Variants in MICAL3 observed in about 807,000 individuals in gnomAD.
MICAL3 encodes microtubule associated monooxygenase, calponin and LIM domain containing 3.
Under a neutral mutation model 207.4 loss-of-function variants are expected in MICAL3, and 62 were observed. The ratio of observed to expected loss-of-function variants is 0.30; its 90% CI spans 0.24 to 0.37. The LOEUF (loss-of-function observed/expected upper bound fraction) is 0.37, where lower values mean the gene tolerates loss of function less well. Ranked by LOEUF, MICAL3 falls within the 10% of genes least tolerant of loss-of-function variation. MICAL3 has a pLI of 1.00. For synonymous variants in MICAL3, 1,077 were observed against 1,069.3 expected (o/e 1.01, Z -0.14); for missense variants, 2,368 against 2,635.6 (o/e 0.90, Z 2.22).
chr22:17,981,027 GC>G lies in MICAL3; in HGVS notation c.-75+43253del, dbSNP rs199957541. On this transcript the variant is annotated intron_variant, in intron 1 of 31. Coordinates refer to ENST00000441493, the MANE Select transcript of MICAL3 (RefSeq NM_015241.3). ...GAGGGCAGTATTTACTTCACCCACT[GC>G]AGTACTGTGCTGGCAAATGCTTAAC... is the stretch of plus-strand genomic sequence containing the variant. 2,829 of 424,750 alleles carry G rather than the reference GC, an allele frequency of 6.7e-3. 47 individuals are homozygous for G. Among genetic ancestry groups the G allele is most frequent in the African/African-American group, 0.043 (2,152 of 49,504 alleles). The allele number at this position is 424,750 out of a possible 1,614,324, so 26.3% of individuals were successfully genotyped here. A position where few individuals can be genotyped will look rare whatever the true frequency, so the allele number is the denominator to read the frequency against.
In MICAL3 at chr22:17,790,930, A is replaced by G. The variant is rs146814928; in HGVS notation, c.5825-14T>C. On this transcript the variant is annotated splice_polypyrimidine_tract_variant and intron_variant, in intron 31 of 31. Coordinates refer to ENST00000441493, the MANE Select transcript of MICAL3 (RefSeq NM_015241.3). ...TCTTAAGGTGATCTTGAAGGAGAAG[A>G]AGGCATGAGGTGAGGGGCCTGGAGG... 4.0e-4 allele frequency: 644 copies of G among 1,613,490 alleles called. 2 individuals are homozygous for G. The East Asian group carries it at 0.012, about 30-fold the overall frequency.
At chr22:17,921,043 G>T (rs1174568934) in intron 1 of MICAL3, among the ~76,000 whole-genome samples, 1 of 152,072 alleles carries the variant, frequency 6.6e-6, no homozygotes, top group African/African-American at 2.4e-5. Flanking sequence ...GAAATTCCTT[G>T]TGGGCCCCAA....
intron 16 of MICAL3, chr22:17,879,465 G>A (rs1046717475): frequency 2.1e-5 from 30 of 1,406,688 alleles, no homozygotes; most frequent in African/African-American, 7.2e-5. Flanking sequence ...CCTACTAAAC[G>A]ACAGTGGGAA....
chr22:18,004,204 A>C (rs762812935), intron 1 of MICAL3: 1 of 148,508 alleles, frequency 6.7e-6, no homozygotes, highest in Non-Finnish European at 1.5e-5. Context: ...TTCCATTTCT[A>C]CTCTGTGCCT....
intron 18 of MICAL3, among the ~76,000 whole-genome samples, chr22:17,865,674 G>A (rs1927031183): frequency 6.6e-6 from 1 of 152,240 alleles, no homozygotes; most frequent in African/African-American, 2.4e-5. Context: ...CAGCTGAGAT[G>A]GAGAGCTGCA....
chr22:17,958,573 T>C (rs1438639817), intron 1 of MICAL3, among the ~76,000 whole-genome samples: 2 of 152,180 alleles, frequency 1.3e-5, no homozygotes, highest in Admixed American at 1.3e-4. Flanking sequence ...GCAAGCTGAA[T>C]CATCCGCCCA....
chr22:17,967,401 A>G (rs891578401), intron 1 of MICAL3, among the ~76,000 whole-genome samples: 4 of 151,976 alleles, frequency 2.6e-5, no homozygotes, highest in African/African-American at 9.7e-5. Context: ...TACTCAAGCG[A>G]CAATATTTGA....
chr22:17,920,393 T>C (rs1267740688), intron 1 of MICAL3, among the ~76,000 whole-genome samples: 1 of 152,134 alleles, frequency 6.6e-6, no homozygotes, highest in Non-Finnish European at 1.5e-5. Flanking sequence ...CGGTCATCTT[T>C]TCACTCCCTC....
Position 17,819,143 on chromosome 22 carries a change from A to C in MICAL3, c.3532-14T>G. 2 of 1,458,918 alleles carry C rather than the reference A, an allele frequency of 1.4e-6. No individual in the cohort carries two copies. The highest frequency in any genetic ancestry group is 1.8e-4 in the Middle Eastern group (1 of 5,410). The allele number at this position is 1,458,918 out of a possible 1,614,324, so 90.4% of individuals were successfully genotyped here. A position where few individuals can be genotyped will look rare whatever the true frequency, so the allele number is the denominator to read the frequency against. ...GAGTTGGGGCCCCTACAGGGAAGGA[A>C]GACAGAAGCCGCTGAGAAGGTGTGG... On this transcript the variant is annotated splice_polypyrimidine_tract_variant and intron_variant, in intron 25 of 31. Coordinates refer to ENST00000441493, the MANE Select transcript of MICAL3 (RefSeq NM_015241.3).
intron 1 of MICAL3, among the ~76,000 whole-genome samples, chr22:17,925,965 A>G (rs1932915188): frequency 6.6e-6 from 1 of 152,258 alleles, no homozygotes; most frequent in Non-Finnish European, 1.5e-5. Flanking sequence ...GATCAAAGAA[A>G]TAAAATAAAA....
chr22:17,943,684 G>T lies in MICAL3; in HGVS notation c.-74-36798C>A, dbSNP rs988470858. ...CCATCTTGTTTGATAGCGTAAACTG[G>T]AGGAAACAAAAGAGCAATAATAGCT... On this transcript the variant is annotated intron_variant, in intron 1 of 31. Transcript: ENST00000441493. 2.8e-4 allele frequency among the ~76,000 whole-genome samples: 43 copies of T among 152,188 alleles called. 1 individual carries two copies. Among genetic ancestry groups the T allele is most frequent in the Non-Finnish European group, 5.9e-5 (4 of 68,038 alleles).
intron 1 of MICAL3, among the ~76,000 whole-genome samples, chr22:18,013,868 A>G (rs1307840496): frequency 6.6e-6 from 1 of 151,660 alleles, no homozygotes; most frequent in Non-Finnish European, 1.5e-5. Context: ...TGGTACAATA[A>G]CAGCTCACTG....
intron 2 of MICAL3, among the ~76,000 whole-genome samples, chr22:17,905,462 CTCTG>C (rs754554795): frequency 1.2e-4 from 19 of 152,182 alleles, no homozygotes; most frequent in Non-Finnish European, 2.5e-4. Flanking sequence ...AAGTAGTTTG[CTCTG>C]TGTGTGCGGA....
At position 17,861,719 on chromosome 22, in the gene MICAL3, TA is replaced by T. The variant is rs570780571; in HGVS notation, c.2605+3179del. 1.2e-5 allele frequency: 12 copies of T among 985,412 alleles called. No individual in the cohort carries two copies. The East Asian group carries it at 1.1e-3, about 93-fold the overall frequency. 61.0% of individuals were successfully genotyped at this position (985,412 alleles called of 1,614,324 possible). A position where few individuals can be genotyped will look rare whatever the true frequency, so the allele number is the denominator to read the frequency against. The stretch of plus-strand genomic sequence containing the variant: ...GACCACTAACACGCAGTAGTAAGTA[TA>T]AGCTTGGAAACACAGCATTCATAGA... On this transcript the variant is annotated intron_variant, in intron 19 of 31. Coordinates refer to ENST00000441493, the MANE Select transcript of MICAL3 (RefSeq NM_015241.3).
At chr22:17,959,035 A>G (rs1235891020) in intron 1 of MICAL3, among the ~76,000 whole-genome samples, 8 of 38,940 alleles carry the variant, frequency 2.1e-4, no homozygotes, top group East Asian at 3.3e-3. Context: ...TTTTTTTTTG[A>G]GATGGAGTCT....
chr22:17,929,629 G>A (rs1933141185), intron 1 of MICAL3, among the ~76,000 whole-genome samples: 1 of 141,140 alleles, frequency 7.1e-6, no homozygotes, highest in South Asian at 2.2e-4. Flanking sequence ...GTGCAGTGGC[G>A]CTATCTCGGC....
intron 1 of MICAL3, chr22:17,983,225 T>C (rs1350622498): frequency 6.6e-6 from 1 of 152,302 alleles, no homozygotes; most frequent in African/African-American, 2.4e-5. Flanking sequence ...CTGCACCACC[T>C]TCCCTTCAAC....
chr22:17,866,780 G>T (rs767080436), intron 17 of MICAL3, among the ~76,000 whole-genome samples: 3 of 152,162 alleles, frequency 2.0e-5, no homozygotes, highest in Non-Finnish European at 2.9e-5. Context: ...GCATCCCCGT[G>T]GGGGGTGTCG....
intron 1 of MICAL3, among the ~76,000 whole-genome samples, chr22:18,016,741 C>G (rs912786676): frequency 2.0e-5 from 3 of 152,128 alleles, no homozygotes; most frequent in Non-Finnish European, 2.9e-5. Flanking sequence ...GAGATCAAGA[C>G]CATCCTGGCT....
Sources: gnomAD v4.1 joint callset for allele counts (sites outside exome capture counted in the v4.1 genomes callset) on GRCh38, gnomAD v4.1.1 for gene constraint, MANE v1.5 for transcripts, NCBI Gene and HGNC (gene_info 2026-07-23, HGNC 2026-07-21) for gene names.